The following CTNNA2 variants were observed in gnomAD, a reference collection of about 807,000 sequenced individuals.
CTNNA2 encodes the protein catenin alpha-2.
In CTNNA2, 42 loss-of-function variants were observed where a neutral mutation model predicts 101.0. The ratio of observed to expected loss-of-function variants is 0.42; its 90% CI spans 0.32 to 0.54. CTNNA2 has a LOEUF of 0.54. Ranked by LOEUF, CTNNA2 falls within the 20% of genes least tolerant of loss-of-function variation. The probability of loss-of-function intolerance (pLI) is 0.14; values close to 1 mark genes in which losing one functional copy is unlikely to be tolerated. For synonymous variants in CTNNA2, 450 were observed against 456.4 expected, an observed-to-expected ratio of 0.99 and a Z score of 0.18; for missense variants, 871 against 1,223.1, an observed-to-expected ratio of 0.71 and a Z score of 4.29.
At chr2:80,477,039 A>G (rs13426500) in intron 9 of CTNNA2, among the ~76,000 whole-genome samples, 60 of 152,310 alleles carry the variant, frequency 3.9e-4, no homozygotes, top group African/African-American at 1.4e-3. Context: ...TACTATTTAG[A>G]GTATATTGGG....
chr2:80,568,566 CGTGT>C (rs36104924), intron 12 of CTNNA2, among the ~76,000 whole-genome samples: 67,761 of 149,194 alleles, frequency 0.45, 15,301 homozygotes, highest in South Asian at 0.57. Context: ...TAATGGTGTG[CGTGT>C]GTGTGTGTGT....
At chr2:79,612,265 G>A (rs1451688557) in intron 1 of CTNNA2, among the ~76,000 whole-genome samples, 2 of 152,154 alleles carry the variant, frequency 1.3e-5, no homozygotes, top group Non-Finnish European at 2.9e-5. Flanking sequence ...AGATGTATAA[G>A]GTAGCAAATG....
intron 1 of CTNNA2, among the ~76,000 whole-genome samples, chr2:79,517,639 C>T (rs1026094631): frequency 6.6e-6 from 1 of 152,012 alleles, no homozygotes; most frequent in Non-Finnish European, 1.5e-5. Context: ...TATTATACTA[C>T]CAGAGATTTT....
intron 7 of CTNNA2, among the ~76,000 whole-genome samples, chr2:79,964,682 G>A (rs947859342): frequency 6.6e-6 from 1 of 152,168 alleles, no homozygotes; most frequent in African/African-American, 2.4e-5. Context: ...CTGGGTAAAT[G>A]TGCTGACAAT....
At chr2:80,462,307 G>A (rs1467344432) in intron 9 of CTNNA2, among the ~76,000 whole-genome samples, 8 of 152,090 alleles carry the variant, frequency 5.3e-5, no homozygotes, top group African/African-American at 1.4e-4. Context: ...GAAACTTCTG[G>A]CTTCAAATTT....
At chr2:79,646,056 G>A (rs1313614739) in intron 1 of CTNNA2, among the ~76,000 whole-genome samples, 1 of 152,206 alleles carries the variant, frequency 6.6e-6, no homozygotes, top group African/African-American at 2.4e-5. Context: ...ACAGGTTTGG[G>A]TGGTCCCCTT....
In CTNNA2 at chr2:79,754,829, A is replaced by T. The variant is rs1672288414; in HGVS notation, c.298+10247A>T. ...CTTGCTGGTCTTAGGGTAAGATTTCACTCCTGTATGGGGAGCGGAGGGGAT... is the reference window on the plus strand; with the variant it reads ...CTTGCTGGTCTTAGGGTAAGATTTCTCTCCTGTATGGGGAGCGGAGGGGAT... On this transcript the variant is annotated intron_variant, in intron 3 of 18. Coordinates refer to ENST00000402739, the MANE Select transcript of CTNNA2 (RefSeq NM_001282597.3). 2.0e-5 allele frequency among the ~76,000 whole-genome samples: 3 copies of T among 151,460 alleles called. No individual in the cohort carries two copies. The South Asian group carries it at 6.3e-4, about 32-fold the overall frequency.
intron 7 of CTNNA2, among the ~76,000 whole-genome samples, chr2:80,248,568 C>G (rs1413698874): frequency 6.6e-6 from 1 of 152,136 alleles, no homozygotes. Flanking sequence ...CAAACTCAGC[C>G]ACTTTGTAGC....
At chr2:79,965,850 A>G (rs1302013574) in intron 7 of CTNNA2, among the ~76,000 whole-genome samples, 4 of 140,144 alleles carry the variant, frequency 2.9e-5, no homozygotes, top group Non-Finnish European at 6.2e-5. Context: ...AAAAAAAAAA[A>G]GAAGAAAAGA....
intron 15 of CTNNA2, among the ~76,000 whole-genome samples, chr2:80,593,151 C>T (rs1180166925): frequency 6.6e-6 from 1 of 152,052 alleles, no homozygotes; most frequent in African/African-American, 2.4e-5. Flanking sequence ...CATGAGATTA[C>T]CCATAGCATC....
intron 7 of CTNNA2, among the ~76,000 whole-genome samples, chr2:79,974,859 G>T (rs1249469347): frequency 6.6e-6 from 1 of 152,148 alleles, no homozygotes; most frequent in East Asian, 1.9e-4. Flanking sequence ...CGAAGCGTAG[G>T]AGGGGTAAAG....
intron 7 of CTNNA2, among the ~76,000 whole-genome samples, chr2:80,150,158 T>C (rs979488129): frequency 2.6e-5 from 4 of 152,188 alleles, no homozygotes; most frequent in African/African-American, 9.7e-5. Flanking sequence ...ACCACTGAGA[T>C]TGCTGTGGTG....
intron 4 of CTNNA2, among the ~76,000 whole-genome samples, chr2:79,397,078 C>A (rs1464060470): frequency 6.6e-6 from 1 of 151,972 alleles, no homozygotes; most frequent in Non-Finnish European, 1.5e-5. Context: ...GGTCCAGGGA[C>A]TACATATTTT....
intron 7 of CTNNA2, among the ~76,000 whole-genome samples, chr2:80,090,377 C>A (rs965002487): frequency 3.9e-5 from 6 of 152,096 alleles, no homozygotes; most frequent in Non-Finnish European, 5.9e-5. Flanking sequence ...CTGCTTCCTG[C>A]TACTACAAGC....
intron 4 of CTNNA2, among the ~76,000 whole-genome samples, chr2:79,452,238 C>A (rs1670764930): frequency 6.6e-6 from 1 of 152,068 alleles, no homozygotes; most frequent in Non-Finnish European, 1.5e-5. Context: ...ACACAAGTTT[C>A]ACATCAGTCT....
chr2:79,968,542 G>A (rs1237602297), intron 7 of CTNNA2, among the ~76,000 whole-genome samples: 1 of 152,098 alleles, frequency 6.6e-6, no homozygotes, highest in Non-Finnish European at 1.5e-5. Flanking sequence ...AGATTAAGAG[G>A]CTGAGAGTTA....
At chr2:79,329,589 C>T (rs1056728537) in intron 3 of CTNNA2, among the ~76,000 whole-genome samples, 4 of 152,014 alleles carry the variant, frequency 2.6e-5, no homozygotes, top group Non-Finnish European at 5.9e-5. Context: ...GACAGGATGC[C>T]CAGTATCTGT....
chr2:80,393,655 G>C (rs1307895028), intron 8 of CTNNA2, among the ~76,000 whole-genome samples: 1 of 152,178 alleles, frequency 6.6e-6, no homozygotes, highest in African/African-American at 2.4e-5. Flanking sequence ...CGGGAATTTA[G>C]TGATAAACCA....
chr2:80,596,290 T>TG, intron 15 of CTNNA2, among the ~76,000 whole-genome samples: 2 of 37,624 alleles, frequency 5.3e-5, no homozygotes, highest in Non-Finnish European at 5.0e-5. Context: ...TTTTTTTTTT[T>TG]TTTTTTTTTT....
Sources: allele counts gnomAD v4.1 joint callset (sites outside exome capture counted in the v4.1 genomes callset), GRCh38; gene constraint gnomAD v4.1.1; transcripts MANE v1.5; gene names NCBI Gene and HGNC (gene_info 2026-07-23, HGNC 2026-07-21).